The following UBE2E2 variants were observed in gnomAD, a reference collection of about 807,000 sequenced individuals.
UBE2E2 encodes ubiquitin-conjugating enzyme E2 E2.
Under a neutral mutation model 24.7 loss-of-function variants are expected in UBE2E2, and 6 were observed. The ratio of observed to expected loss-of-function variants is 0.24; its 90% CI spans 0.13 to 0.48. The LOEUF is 0.48. Among genes scored for constraint, UBE2E2 ranks in the 20% least tolerant of loss-of-function variants. The pLI, the probability that UBE2E2 is intolerant of heterozygous loss-of-function variation, is 0.99. For synonymous variants in UBE2E2, 104 were observed against 83.6 expected, an observed-to-expected ratio of 1.24 and a Z score of -1.33; for missense variants, 169 against 245.0, an observed-to-expected ratio of 0.69 and a Z score of 2.07.
At chr3:23,526,255 C>T (rs1014204349) in intron 4 of UBE2E2, among the ~76,000 whole-genome samples, 1 of 152,114 alleles carries the variant, frequency 6.6e-6, no homozygotes. Flanking sequence ...CTATATGAAG[C>T]CCCTTGTGAA....
Position 23,368,051 on chromosome 3 carries a change from T to C in UBE2E2, c.228-131557T>C, listed in dbSNP as rs79875326. 3.7e-3 allele frequency among the ~76,000 whole-genome samples: 558 copies of C among 152,296 alleles called. 4 individuals are homozygous for C. Among genetic ancestry groups the C allele is most frequent in the African/African-American group, 0.013 (534 of 41,572 alleles). ...TTTGGCTTTGGTCTAATTTTGTAAG[T>C]GGTCATTTAATTAGCATTTTCATTT... On this transcript the variant is annotated intron_variant, in intron 3 of 5. Coordinates refer to ENST00000396703, the MANE Select transcript of UBE2E2 (RefSeq NM_152653.4).
chr3:23,282,203 A>G (rs1227993611), intron 3 of UBE2E2, among the ~76,000 whole-genome samples: 1 of 152,176 alleles, frequency 6.6e-6, no homozygotes, highest in African/African-American at 2.4e-5. Context: ...AAATAATATC[A>G]GTATTGGAGC....
At chr3:23,388,055 C>T (rs1293870866) in intron 3 of UBE2E2, among the ~76,000 whole-genome samples, 2 of 152,122 alleles carry the variant, frequency 1.3e-5, no homozygotes, top group African/African-American at 2.4e-5. Flanking sequence ...GGAATTGGGC[C>T]TTATGCTGCT....
chr3:23,489,010 A>G (rs1457902751), intron 3 of UBE2E2, among the ~76,000 whole-genome samples: 1 of 152,182 alleles, frequency 6.6e-6, no homozygotes. Context: ...GTAGTTTATC[A>G]TAATGGTTAC....
At chr3:23,310,054 C>G (rs768860514) in intron 3 of UBE2E2, among the ~76,000 whole-genome samples, 16 of 152,038 alleles carry the variant, frequency 1.1e-4, no homozygotes, top group Non-Finnish European at 2.2e-4. Flanking sequence ...TAAGACGGGC[C>G]CATGTTCAAC....
chr3:23,240,968 T>C (rs1399430885), intron 3 of UBE2E2, among the ~76,000 whole-genome samples: 1 of 152,216 alleles, frequency 6.6e-6, no homozygotes, highest in Non-Finnish European at 1.5e-5. Context: ...TTTCTTAGGC[T>C]GTCTGTAAAA....
At chr3:23,424,627 A>G (rs536140847) in intron 3 of UBE2E2, among the ~76,000 whole-genome samples, 16 of 152,290 alleles carry the variant, frequency 1.1e-4, no homozygotes, top group African/African-American at 3.8e-4. Flanking sequence ...TTTAAGAATG[A>G]AAAAGCAAAT....
At chr3:23,585,015 C>T (rs942404313) in intron 5 of UBE2E2, among the ~76,000 whole-genome samples, 1 of 152,122 alleles carries the variant, frequency 6.6e-6, no homozygotes. Context: ...TCCCCTTCAT[C>T]AGTGATCTTG....
At chr3:23,385,300 A>G (rs1331611703) in intron 3 of UBE2E2, among the ~76,000 whole-genome samples, 1 of 152,130 alleles carries the variant, frequency 6.6e-6, no homozygotes, top group Non-Finnish European at 1.5e-5. Context: ...TGATTATTGC[A>G]TTTACAAAAA....
At chr3:23,287,814 T>C (rs1698659583) in intron 3 of UBE2E2, among the ~76,000 whole-genome samples, 1 of 149,872 alleles carries the variant, frequency 6.7e-6, no homozygotes, top group Non-Finnish European at 1.5e-5. Flanking sequence ...TTCATTTGGG[T>C]GTTTTCTCTT....
At chr3:23,418,288 C>T (rs1371768830) in intron 3 of UBE2E2, among the ~76,000 whole-genome samples, 2 of 152,198 alleles carry the variant, frequency 1.3e-5, no homozygotes, top group African/African-American at 2.4e-5. Context: ...CAGTTCCTCA[C>T]GGCTTACCTT....
intron 3 of UBE2E2, among the ~76,000 whole-genome samples, chr3:23,413,059 G>A (rs1845901): frequency 2.1e-5 from 3 of 143,484 alleles, no homozygotes; most frequent in African/African-American, 7.8e-5. Flanking sequence ...GGTGGGGGGA[G>A]GGGGGAGGAA....
chr3:23,528,125 C>T (rs1695042129), intron 4 of UBE2E2, among the ~76,000 whole-genome samples: 1 of 152,144 alleles, frequency 6.6e-6, no homozygotes, highest in Non-Finnish European at 1.5e-5. Flanking sequence ...AACTGTGGGA[C>T]ACCCAGCTAG....
intron 3 of UBE2E2, among the ~76,000 whole-genome samples, chr3:23,246,799 T>A (rs1334695383): frequency 6.6e-6 from 1 of 152,230 alleles, no homozygotes; most frequent in Non-Finnish European, 1.5e-5. Flanking sequence ...CCAAGAATTA[T>A]GACAAAGCAT....
intron 3 of UBE2E2, among the ~76,000 whole-genome samples, chr3:23,391,176 G>C (rs1220823514): frequency 1.3e-5 from 2 of 152,168 alleles, no homozygotes; most frequent in African/African-American, 4.8e-5. Flanking sequence ...CATACAGCCA[G>C]CCAGTAGCAT....
At chr3:23,212,389 C>A (rs1696353583) in intron 2 of UBE2E2, among the ~76,000 whole-genome samples, 1 of 152,128 alleles carries the variant, frequency 6.6e-6, no homozygotes, top group African/African-American at 2.4e-5. Flanking sequence ...ACTATATCTG[C>A]AGTGACAGAT....
At chr3:23,352,940 A>G (rs1338519484) in intron 3 of UBE2E2, among the ~76,000 whole-genome samples, 1 of 152,336 alleles carries the variant, frequency 6.6e-6, no homozygotes, top group Non-Finnish European at 1.5e-5. Flanking sequence ...AAAAAGGAGA[A>G]TTTTAGACCA....
At chr3:23,264,172 A>C (rs1448285642) in intron 3 of UBE2E2, among the ~76,000 whole-genome samples, 1 of 152,152 alleles carries the variant, frequency 6.6e-6, no homozygotes, top group Non-Finnish European at 1.5e-5. Context: ...GGTAGACTGC[A>C]AACCCTAGGA....
intron 3 of UBE2E2, among the ~76,000 whole-genome samples, chr3:23,386,590 T>C (rs894945325): frequency 6.6e-6 from 1 of 152,242 alleles, no homozygotes; most frequent in African/African-American, 2.4e-5. Context: ...ATTCAGCTAT[T>C]ATATTTATTT....
Sources: allele counts gnomAD v4.1 joint callset (sites outside exome capture counted in the v4.1 genomes callset), GRCh38; gene constraint gnomAD v4.1.1; transcripts MANE v1.5; gene names NCBI Gene and HGNC (gene_info 2026-07-23, HGNC 2026-07-21).